The following SYTL5 variants were observed in gnomAD, a reference collection of about 807,000 sequenced individuals.
SYTL5 encodes synaptotagmin like 5, also known as synaptotagmin-like protein 5.
In SYTL5, 34 loss-of-function variants were observed where a neutral mutation model predicts 55.9. That is an observed-to-expected ratio of 0.61 (90% CI 0.46 to 0.81). SYTL5 has a LOEUF of 0.81. Among genes scored for constraint, SYTL5 ranks in the 30% least tolerant of loss-of-function variants. SYTL5 has a pLI of 0.00. For synonymous variants in SYTL5, 221 were observed against 188.7 expected, an observed-to-expected ratio of 1.17 and a Z score of -1.40; for missense variants, 637 against 546.7, an observed-to-expected ratio of 1.17 and a Z score of -1.65.
chrX:38,104,388 A>C (rs1421033811), intron 10 of SYTL5, among the ~76,000 whole-genome samples: 1 of 111,952 alleles, frequency 8.9e-6, no homozygotes, highest in East Asian at 2.8e-4. Context: ...TGAGGAGATA[A>C]GCGTTTTCAG....
chrX:38,089,428 A>G lies in SYTL5; in HGVS notation c.690-18A>G. ...GCTCTGCTTCCATGTTAAAGTCAGA[A>G]TATGCTTTCTCATTTAGGGGAAGCA... On this transcript the variant is annotated intron_variant, in intron 6 of 16. Transcript: ENST00000297875. 4.2e-6 allele frequency: 5 copies of G among 1,197,374 alleles called. No homozygotes were observed. Among genetic ancestry groups the G allele is most frequent in the Non-Finnish European group, 5.6e-6 (5 of 889,204 alleles).
chrX:37,946,751 A>G, the SYTL5 span: 3 of 116,264 alleles, frequency 2.6e-5, no homozygotes, highest in African/African-American at 9.7e-5. Context: ...GAAAATATGA[A>G]GAAGTTTGAG....
At chrX:37,893,810 T>C in the SYTL5 span, among the ~76,000 whole-genome samples, 1 of 99,858 alleles carries the variant, frequency 1.0e-5, no homozygotes, top group African/African-American at 3.6e-5. Flanking sequence ...ATAATCTATA[T>C]ATTATATAGA....
the SYTL5 span, among the ~76,000 whole-genome samples, chrX:37,995,897 A>G: frequency 8.9e-6 from 1 of 112,323 alleles, no homozygotes; most frequent in South Asian, 3.7e-4. Context: ...ACATCTGAGG[A>G]CTTCATTCAA....
upstream of SYTL5, among the ~76,000 whole-genome samples, chrX:38,004,960 T>C (rs1933954386): frequency 8.9e-6 from 1 of 111,914 alleles, no homozygotes; most frequent in Admixed American, 9.5e-5. Flanking sequence ...GGATAATTGC[T>C]TGAGGCTATG....
At chrX:37,902,504 C>T in the SYTL5 span, among the ~76,000 whole-genome samples, 2 of 112,008 alleles carry the variant, frequency 1.8e-5, no homozygotes, top group Non-Finnish European at 3.8e-5. Context: ...ACTCTTATGC[C>T]TTGTTAGTTT....
the SYTL5 span, among the ~76,000 whole-genome samples, chrX:37,965,737 T>G: frequency 8.9e-6 from 1 of 112,568 alleles, no homozygotes; most frequent in Non-Finnish European, 1.9e-5. Context: ...TATTGCTGTC[T>G]ATTTTTCCTT....
At chrX:38,023,949 C>T (rs965588393) in intron 1 of SYTL5, 2 of 108,710 alleles carry the variant, frequency 1.8e-5, no homozygotes, top group African/African-American at 6.8e-5. Flanking sequence ...AAAGTAATAG[C>T]AAAAACTGCA....
At chrX:38,022,316 G>A (rs1273874892) in intron 1 of SYTL5, among the ~76,000 whole-genome samples, 1 of 112,180 alleles carries the variant, frequency 8.9e-6, no homozygotes, top group Non-Finnish European at 1.9e-5. Context: ...TCCAATTGCT[G>A]CTGTAGCCAA....
the SYTL5 span, among the ~76,000 whole-genome samples, chrX:37,933,718 G>A: frequency 7.1e-5 from 8 of 111,938 alleles, no homozygotes; most frequent in South Asian, 3.0e-3. Context: ...GTCCATGGGG[G>A]CTTCAAAAAT....
At chrX:37,999,422 G>A in the SYTL5 span, among the ~76,000 whole-genome samples, 1 of 112,525 alleles carries the variant, frequency 8.9e-6, no homozygotes, top group Non-Finnish European at 1.9e-5. Flanking sequence ...AATAACTGTA[G>A]GGAAATATCT....
At chrX:38,003,339 T>C (rs1208973373), upstream of SYTL5, among the ~76,000 whole-genome samples, 1 of 111,549 alleles carries the variant, frequency 9.0e-6, no homozygotes, top group African/African-American at 3.3e-5. Context: ...TAGGATTGAC[T>C]TGGCAATCTC....
chrX:38,057,989 A>AT (rs1290894732), intron 3 of SYTL5, among the ~76,000 whole-genome samples: 264 of 110,732 alleles, frequency 2.4e-3, no homozygotes, highest in African/African-American at 8.3e-3. Flanking sequence ...TACTAGAGGG[A>AT]TTTTTTTCTG....
the SYTL5 span, among the ~76,000 whole-genome samples, chrX:37,998,634 T>G: frequency 1.8e-5 from 2 of 111,913 alleles, no homozygotes; most frequent in African/African-American, 3.3e-5. Flanking sequence ...TTGACAGGTG[T>G]GGGACCCAGG....
chrX:38,111,889 A>G (rs1937369167), intron 13 of SYTL5, among the ~76,000 whole-genome samples: 1 of 112,320 alleles, frequency 8.9e-6, no homozygotes. Flanking sequence ...GCATCCTTCC[A>G]GTAAATTTCC....
At chrX:38,023,472 T>C (rs936174114) in intron 1 of SYTL5, among the ~76,000 whole-genome samples, 1 of 112,132 alleles carries the variant, frequency 8.9e-6, no homozygotes. Flanking sequence ...GCAACCTGAT[T>C]CATTATCAAT....
chrX:37,947,816 G>A, the SYTL5 span, among the ~76,000 whole-genome samples: 1 of 111,549 alleles, frequency 9.0e-6, no homozygotes, highest in Non-Finnish European at 1.9e-5. Flanking sequence ...CTCACATTAA[G>A]TGAGGCTAAT....
intron 3 of SYTL5, among the ~76,000 whole-genome samples, chrX:38,063,863 A>G (rs775213186): frequency 8.9e-6 from 1 of 111,974 alleles, no homozygotes; most frequent in East Asian, 2.8e-4. Context: ...ATTCTTATAC[A>G]TATGGCCTGA....
upstream of SYTL5, among the ~76,000 whole-genome samples, chrX:38,006,410 G>T (rs987641599): frequency 9.0e-6 from 1 of 111,703 alleles, no homozygotes; most frequent in African/African-American, 3.2e-5. Context: ...TTCCCCTGCT[G>T]ATCAACAGAG....
Sources: allele counts gnomAD v4.1 joint callset (sites outside exome capture counted in the v4.1 genomes callset), GRCh38; gene constraint gnomAD v4.1.1; transcripts MANE v1.5; gene names NCBI Gene and HGNC (gene_info 2026-07-23, HGNC 2026-07-21).